The following ABHD6 variants were observed in gnomAD, a reference collection of about 807,000 sequenced individuals.
ABHD6 encodes the protein monoacylglycerol lipase ABHD6.
ABHD6 carries 33 observed loss-of-function variants against 38.8 expected under a neutral mutation model. That is an observed-to-expected ratio of 0.85 (90% confidence interval 0.64 to 1.14). The LOEUF (loss-of-function observed/expected upper bound fraction) is 1.14, where lower values mean the gene tolerates loss of function less well. ABHD6 is among the 50% of genes most tolerant of loss of function. ABHD6 has a pLI of 0.00. For missense variants in ABHD6, 380 were observed against 422.6 expected (o/e 0.90, Z 0.88); for synonymous variants, 147 against 161.6 (o/e 0.91, Z 0.69).
rs1326878784 is a variant in ABHD6 at position 58,239,566 on chromosome 3, G to A, written c.-91+1650G>A. 2.6e-5 allele frequency among the ~76,000 whole-genome samples: 4 copies of A among 151,990 alleles called. No homozygotes were observed. The East Asian group carries it at 5.8e-4, about 22-fold the overall frequency. On this transcript the variant is annotated intron_variant, in intron 1 of 9. Coordinates refer to ENST00000478253, the MANE Select transcript of ABHD6 (RefSeq NM_001320126.2). ...CTTTTCGACACATTCTGTGGCTTTC[G>A]TCAACTCCAAATTATCCATTGTCTT...
chr3:58,249,853 GT>G (rs1000244922), intron 1 of ABHD6, 24 bp from the exon 2 acceptor site: 3 of 152,166 alleles, frequency 2.0e-5, no homozygotes, highest in African/African-American at 7.2e-5. Flanking sequence ...TTAATTCTTT[GT>G]CATTTTATTT....
intron 1 of ABHD6, among the ~76,000 whole-genome samples, chr3:58,239,516 CTTTTTATTA>C (rs1375819343): frequency 1.3e-5 from 2 of 152,132 alleles, no homozygotes; most frequent in Non-Finnish European, 1.5e-5. Context: ...CTATTTTCAT[CTTTTTATTA>C]TTTTTATTAT....
Position 58,285,326 on chromosome 3 carries a change from C to A in ABHD6, c.737-27C>A, listed in dbSNP as rs1280224331. 6.2e-7 allele frequency: 1 copy of A among 1,607,684 alleles called. No homozygotes were observed. The highest frequency in any genetic ancestry group is 2.2e-5 in the East Asian group (1 of 44,834). On this transcript the variant is annotated intron_variant, in intron 8 of 9. Transcript: ENST00000478253. This position sits in a 1 kb window ranked among gnomAD's most constrained non-coding sequence, Gnocchi z 4.9. ...TGCCACAGGCACAGTCCAGCACATACTCACTTTGTTTTCCTTTTCTGACAA... is the reference window on the plus strand; with the variant it reads ...TGCCACAGGCACAGTCCAGCACATAATCACTTTGTTTTCCTTTTCTGACAA...
chr3:58,255,689 G>A (rs1438371272), intron 2 of ABHD6, among the ~76,000 whole-genome samples: 1 of 151,734 alleles, frequency 6.6e-6, no homozygotes, highest in Non-Finnish European at 1.5e-5. Flanking sequence ...TTGTTGCCCA[G>A]GCTAGAGTGC....
rs1272801562 is a variant in ABHD6 at position 58,265,245 on chromosome 3, C to G, written c.120-1944C>G. 2.0e-5 allele frequency among the ~76,000 whole-genome samples: 3 copies of G among 152,166 alleles called. No individual in the cohort carries two copies. The highest frequency in any genetic ancestry group is 4.4e-5 in the Non-Finnish European group (3 of 68,030). Reference sequence around the variant, plus strand: ...ATTCATATTTTTAATTACTAGTGAACTTGAACATGTTTTTTATGTTTGTTA... The same window carrying G: ...ATTCATATTTTTAATTACTAGTGAAGTTGAACATGTTTTTTATGTTTGTTA... On this transcript the variant is annotated intron_variant, in intron 3 of 9. Coordinates refer to ENST00000478253, the MANE Select transcript of ABHD6 (RefSeq NM_001320126.2). The surrounding 1 kb of genome is among the most constrained non-coding windows in gnomAD (Gnocchi z 4.2).
At chr3:58,258,521 G>A (rs1265807416) in intron 3 of ABHD6, 1 of 296,718 alleles carries the variant, frequency 3.4e-6, no homozygotes, top group East Asian at 9.8e-5. Context: ...GCCTTTTCAT[G>A]CCACTGTCCA....
chr3:58,271,110 A>T, intron 6 of ABHD6, 46 bp downstream of exon 6: 1 of 1,543,488 alleles, frequency 6.5e-7, no homozygotes, highest in Non-Finnish European at 8.7e-7. Context: ...TGAATCCCTG[A>T]AGAAACAAGT....
rs184527565 is a variant in ABHD6, at chr3:58,273,053, C to T, written c.524-1605C>T. Among the ~76,000 whole-genome samples, 15 of 152,248 alleles carry T rather than the reference C, an allele frequency of 9.9e-5. No individual in the cohort carries two copies. In the East Asian group the frequency reaches 2.3e-3, roughly 23 times the overall value. On this transcript the variant is annotated intron_variant, in intron 6 of 9. Transcript: ENST00000478253. This position sits in a 1 kb window ranked among gnomAD's most constrained non-coding sequence, Gnocchi z 4.8. ...CATGTCCTTTTTCTGTTCTGGGATC[C>T]AGTCCAGGATGTACCACATGACATC...
chr3:58,284,352 A>C (rs924174223), intron 7 of ABHD6, among the ~76,000 whole-genome samples: 1 of 152,186 alleles, frequency 6.6e-6, no homozygotes, highest in South Asian at 2.1e-4. Context: ...TTTGTTGTTT[A>C]ATAGACCTAT....
At chr3:58,282,819 C>T (rs1034658388) in intron 7 of ABHD6, among the ~76,000 whole-genome samples, 3 of 152,172 alleles carry the variant, frequency 2.0e-5, no homozygotes, top group South Asian at 2.1e-4. Flanking sequence ...CCAAGGACTC[C>T]ATTTTTCATG....
Position 58,271,766 on chromosome 3 carries a change from G to GTTTT in ABHD6, c.523+723_523+726dup, listed in dbSNP as rs3038091. Among the ~76,000 whole-genome samples, 108 of 63,626 alleles carry GTTTT rather than the reference G, an allele frequency of 1.7e-3. 17 individuals are homozygous for GTTTT. Among genetic ancestry groups the GTTTT allele is most frequent in the East Asian group, 0.011 (20 of 1,800 alleles). 41.7% of individuals were successfully genotyped at this position (63,626 alleles called of 152,430 possible). On this transcript the variant is annotated intron_variant, in intron 6 of 9. Transcript: ENST00000478253. ...CTCTCCTCTATCTCCCCCTCTCTCT[G>GTTTT]TTTTTTTTTTTTTTTTTTTTTTTTG...
In ABHD6 at chr3:58,285,058, C is replaced by T. The variant is rs540533390; in HGVS notation, c.682-27C>T. ...CTGAGGAAATGAATCTTCTCTTGCT[C>T]TCTAACTTTGGGTTATTTATCCTTA... On this transcript the variant is annotated intron_variant, in intron 7 of 9. Transcript: ENST00000478253. This position sits in a 1 kb window ranked among gnomAD's most constrained non-coding sequence, Gnocchi z 4.9. 6.2e-7 allele frequency: 1 copy of T among 1,610,738 alleles called. No homozygotes were observed. The highest frequency in any genetic ancestry group is 2.2e-5 in the East Asian group (1 of 44,852).
At chr3:58,283,424 C>A (rs2097454723) in intron 7 of ABHD6, among the ~76,000 whole-genome samples, 1 of 152,236 alleles carries the variant, frequency 6.6e-6, no homozygotes, top group Admixed American at 6.5e-5. Flanking sequence ...GATTGCACGT[C>A]TGTGTCTTCC....
intron 2 of ABHD6, among the ~76,000 whole-genome samples, chr3:58,252,198 T>A (rs1175430786): frequency 6.7e-6 from 1 of 149,436 alleles, no homozygotes; most frequent in Non-Finnish European, 1.5e-5. Flanking sequence ...ATGTGTCACC[T>A]ACTAAGCATT....
intron 1 of ABHD6, among the ~76,000 whole-genome samples, chr3:58,242,101 C>T (rs1191235900): frequency 2.0e-5 from 3 of 152,014 alleles, no homozygotes; most frequent in Non-Finnish European, 2.9e-5. Context: ...GGAGAATAGG[C>T]GTGCCGGGGA....
intron 9 of ABHD6, among the ~76,000 whole-genome samples, chr3:58,286,505 TG>T (rs2097457123): frequency 3.3e-5 from 5 of 152,036 alleles, no homozygotes; most frequent in African/African-American, 1.2e-4. Flanking sequence ...AAGGGCCAGA[TG>T]GTAAACATTT....
At chr3:58,264,199 C>T (rs895552930) in intron 3 of ABHD6, among the ~76,000 whole-genome samples, 11 of 152,126 alleles carry the variant, frequency 7.2e-5, no homozygotes, top group African/African-American at 2.4e-4. Flanking sequence ...ATTTAAACAA[C>T]ACATAACGCT....
At position 58,252,428 on chromosome 3, in the gene ABHD6, G is replaced by A. The variant is rs1049055480; in HGVS notation, c.-26+2486G>A. ...GGGGCCTCTCCATGTTGCCCAGGCC[G>A]GTCTCAAACTCCTCTACTCAAGCAA... On this transcript the variant is annotated intron_variant, in intron 2 of 9. Transcript: ENST00000478253. 5.9e-5 allele frequency among the ~76,000 whole-genome samples: 9 copies of A among 151,374 alleles called. No homozygotes were observed. The South Asian group carries it at 6.3e-4, about 11-fold the overall frequency.
chr3:58,281,473 G>A (rs2107468454), intron 7 of ABHD6, among the ~76,000 whole-genome samples: 1 of 152,306 alleles, frequency 6.6e-6, no homozygotes, highest in South Asian at 2.1e-4. Flanking sequence ...TTGGGCAGGA[G>A]TGTCCCAGTT....
Sources: gnomAD v4.1 joint callset for allele counts (sites outside exome capture counted in the v4.1 genomes callset) on GRCh38, gnomAD v4.1.1 for gene constraint, Gnocchi (gnomAD v3.1) non-coding constraint, MANE v1.5 for transcripts, NCBI Gene and HGNC (gene_info 2026-07-23, HGNC 2026-07-21) for gene names.